PLCD1: variants seen among roughly 807,000 people sequenced by gnomAD.
PLCD1 encodes the protein phospholipase C delta 1, also known as 1-phosphatidylinositol 4,5-bisphosphate phosphodiesterase delta-1.
PLCD1 carries 71 observed loss-of-function variants against 87.4 expected under a neutral mutation model. The observed-to-expected ratio is 0.81, with a 90% CI of 0.67 to 0.99. PLCD1 has a LOEUF of 0.99. Ranked by LOEUF, PLCD1 falls within the 50% of genes least tolerant of loss-of-function variation. The pLI, the probability that PLCD1 is intolerant of heterozygous loss-of-function variation, is 0.00. For missense variants in PLCD1, 867 were observed against 1,001.5 expected (o/e 0.87, Z 1.81); for synonymous variants, 348 against 399.2 (o/e 0.87, Z 1.53).
chr3:38,024,417 A>C (rs1700278725), intron 1 of PLCD1: 2 of 1,612,230 alleles, frequency 1.2e-6, no homozygotes, highest in Admixed American at 3.3e-5. Context: ...CCGGCTCCGG[A>C]TCCCCAGGCA....
At chr3:38,024,689 G>A (rs755817282) in intron 1 of PLCD1, 4 of 1,497,352 alleles carry the variant, frequency 2.7e-6, no homozygotes, top group East Asian at 2.6e-5. Context: ...TAGTCCACGA[G>A]CGGCGGGACC....
intron 1 of PLCD1, chr3:38,024,219 C>T: frequency 1.2e-6 from 1 of 863,122 alleles, no homozygotes. Flanking sequence ...AAGTACTAAA[C>T]ATGTCCAATT....
chr3:38,025,501 A>C lies in PLCD1; in HGVS notation c.34+4005T>G, dbSNP rs1461859613. Among the ~76,000 whole-genome samples, 1 of 151,756 alleles carries C rather than the reference A, an allele frequency of 6.6e-6. No individual in the cohort carries two copies. Among genetic ancestry groups the C allele is most frequent in the Non-Finnish European group, 1.5e-5 (1 of 67,932 alleles). ...TCAATTGCTCAACTAATTCATTGCG[A>C]CTCAGCTTGCTGTTGCCTCATTTGT... On this transcript the variant is annotated intron_variant, in intron 1 of 14. Coordinates refer to ENST00000334661, the MANE Select transcript of PLCD1 (RefSeq NM_006225.4). This position sits in a 1 kb window ranked among gnomAD's most constrained non-coding sequence, Gnocchi z 4.0.
rs763235756 is a variant in PLCD1 at position 38,025,001 on chromosome 3, GA to G, written c.34+4504del. On this transcript the variant is annotated intron_variant, in intron 1 of 14. Transcript: ENST00000334661. This position sits in a 1 kb window ranked among gnomAD's most constrained non-coding sequence, Gnocchi z 4.0. ...ATAACCCAGGAAGCAAATCTGTGTCGAAGCCTGGGGGCGGGGCCAGAGCCAA... is the reference window on the plus strand; with the variant it reads ...ATAACCCAGGAAGCAAATCTGTGTCGAGCCTGGGGGCGGGGCCAGAGCCAA... Among the ~76,000 whole-genome samples the G allele has an allele frequency of 3.9e-5, 6 of 152,302 alleles. No individual in the cohort carries two copies. The East Asian group carries it at 5.8e-4, about 15-fold the overall frequency.
Position 38,012,031 on chromosome 3 carries a change from CTTTT to C in PLCD1, c.429-362_429-359del, listed in dbSNP as rs763245915. Among the ~76,000 whole-genome samples, 411 of 137,640 alleles carry C rather than the reference CTTTT, an allele frequency of 3.0e-3. 2 individuals carry two copies. Among genetic ancestry groups the C allele is most frequent in the Non-Finnish European group, 4.0e-3 (260 of 64,374 alleles). 90.3% of individuals were successfully genotyped at this position (137,640 alleles called of 152,430 possible). A position where few individuals can be genotyped will look rare whatever the true frequency, so the allele number is the denominator to read the frequency against. On this transcript the variant is annotated intron_variant, in intron 3 of 14. Transcript: ENST00000334661. ...AGTATATCCTTCTGGTTTTCCTTTT[CTTTT>C]TTTTTTTTTTTTGACAAGATCTCAC... is the stretch of plus-strand genomic sequence containing the variant.
At chr3:38,009,851 C>T (rs1197119452) in intron 8 of PLCD1, 40 bp from the exon 9 acceptor site, 2 of 1,610,886 alleles carry the variant, frequency 1.2e-6, no homozygotes, top group South Asian at 1.1e-5. Context: ...ACACCTAGCG[C>T]CCCGGCTAGG....
intron 3 of PLCD1, among the ~76,000 whole-genome samples, chr3:38,014,389 CAG>C (rs1183187400): frequency 6.6e-6 from 1 of 151,968 alleles, no homozygotes; most frequent in East Asian, 1.9e-4. Flanking sequence ...TATAGACAAA[CAG>C]AATAAAATTG....
At chr3:38,024,698 C>A (rs1253258142) in intron 1 of PLCD1, 2 of 1,484,306 alleles carry the variant, frequency 1.3e-6, no homozygotes, top group East Asian at 5.4e-5. Context: ...AGCGGCGGGA[C>A]CTATGCCCCC....
Position 38,007,916 on chromosome 3 carries a change from A to AG in PLCD1, c.2186-59dup, listed in dbSNP as rs572337423. Reference sequence around the variant, plus strand: ...GAGAGTTCTGGTCATTCGGCGGCGGAGGGGGGGTGGATGCGTCAAGGGACA... The same window carrying AG: ...GAGAGTTCTGGTCATTCGGCGGCGGAGGGGGGGGTGGATGCGTCAAGGGACA... On this transcript the variant is annotated intron_variant, in intron 14 of 14. Coordinates refer to ENST00000334661, the MANE Select transcript of PLCD1 (RefSeq NM_006225.4). 2,352 of 1,604,890 alleles carry AG rather than the reference A, an allele frequency of 1.5e-3. 25 individuals are homozygous for AG. In the African/African-American group the frequency reaches 0.023, roughly 16 times the overall value.
chr3:38,008,531 T>A lies in PLCD1; in HGVS notation c.1829A>T (p.Asp610Val). The A allele has an allele frequency of 6.2e-7, 1 of 1,614,022 alleles. No homozygotes were observed. Among genetic ancestry groups the A allele is most frequent in the Non-Finnish European group, 8.5e-7 (1 of 1,179,982 alleles). ...GCGGGGGTTAAAGGTGCCGTTGGGG[T>A]CTCGCAGGAAGGCGGGCTTCAGCAC... ...GYVLKPAFLRDPNGTFNPRAL... is the reference protein window; with the variant it reads ...GYVLKPAFLRVPNGTFNPRAL... Residue 610 changes from aspartate (D) to valine (V), a missense_variant, in exon 12 of 15, where the codon GAC becomes GTC. Asp to Val is a radical substitution (Grantham distance 152). Transcript: ENST00000334661.
chr3:38,013,676 A>G (rs992225246), intron 3 of PLCD1, among the ~76,000 whole-genome samples: 18 of 152,370 alleles, frequency 1.2e-4, no homozygotes, highest in East Asian at 1.9e-4. Flanking sequence ...TGTATGCACT[A>G]TAAATTAGAA....
In PLCD1 at chr3:38,016,504, G is replaced by C. The variant is rs1299230051; in HGVS notation, c.415C>G (p.Gln139Glu). ...CCAAAAGGATACTGCTGTAGCTTCT[G>C]ACGCTGGTCCATGGAGCCTGAGTGG... Reference protein sequence around the residue: ...IHHSGSMDQRQKLQHWIHSCL... With the variant: ...IHHSGSMDQREKLQHWIHSCL... The change falls in exon 3 of 15, where the codon CAG becomes GAG. Residue 139 changes from glutamine to glutamate, a missense_variant. Transcript: ENST00000334661. 31 of 1,612,138 alleles carry C rather than the reference G, an allele frequency of 1.9e-5. No homozygotes were observed. Among genetic ancestry groups the C allele is most frequent in the Non-Finnish European group, 2.6e-5 (31 of 1,178,420 alleles).
intron 3 of PLCD1, among the ~76,000 whole-genome samples, chr3:38,015,279 A>G: frequency 6.6e-6 from 1 of 152,260 alleles, no homozygotes; most frequent in East Asian, 1.9e-4. Context: ...GTACTGACAC[A>G]GGCTACAACA....
At chr3:38,023,783 A>G (rs1257995449) in intron 1 of PLCD1, among the ~76,000 whole-genome samples, 2 of 151,662 alleles carry the variant, frequency 1.3e-5, no homozygotes, top group South Asian at 4.2e-4. Flanking sequence ...ACGCTGTCAC[A>G]CTGGGTTACA....
Position 38,008,329 on chromosome 3 carries a change from A to C in PLCD1, c.1941T>G (p.Asn647Lys), listed in dbSNP as rs962050440. The C allele has an allele frequency of 1.5e-5, 24 of 1,614,052 alleles. No individual in the cohort carries two copies. The highest frequency in any genetic ancestry group is 2.0e-5 in the Non-Finnish European group (24 of 1,180,028). ...CTTTGGGGTCCACAATTGAATTCTT[A>C]TTCTTGTTGACTTTTGGCAGCTGCT... ...SGQQLPKVNK[N>K]KNSIVDPKVT... The change falls in exon 13 of 15, where the codon AAT becomes AAG. Residue 647 changes from asparagine to lysine, a missense_variant. Asn to Lys is a moderately conservative substitution (Grantham distance 94, BLOSUM62 0). Coordinates refer to ENST00000334661, the MANE Select transcript of PLCD1 (RefSeq NM_006225.4).
rs1208804650 is a variant in PLCD1, at chr3:38,010,137, G to A, written c.1131C>T (p.Ala377=). The A allele has an allele frequency of 6.2e-6, 10 of 1,614,140 alleles. No homozygotes were observed. Among genetic ancestry groups the A allele is most frequent in the Non-Finnish European group, 8.5e-7 (1 of 1,180,044 alleles). The change falls in exon 7 of 15, where the codon GCC becomes GCT. Residue 377 remains alanine, a synonymous_variant. Transcript: ENST00000334661. ...CTGCCAGGGGCACTCCCACCTTGAAGGCATAGTCCCGGATGGCCCTGAGCA... is the reference window on the plus strand; with the variant it reads ...CTGCCAGGGGCACTCCCACCTTGAAAGCATAGTCCCGGATGGCCCTGAGCA... ...CDVLRAIRDY[A]FKASPYPVIL...
chr3:38,008,002 C>T lies in PLCD1; in HGVS notation c.2185+12G>A. ...CCCACCACCTTGGCCATCCCCTTCT[C>T]TTGACACTCACCTTGCTTGAGGCTG... On this transcript the variant is annotated intron_variant, in intron 14 of 14. Transcript: ENST00000334661. 3.1e-6 allele frequency: 5 copies of T among 1,614,192 alleles called. No individual in the cohort carries two copies. The highest frequency in any genetic ancestry group is 4.2e-6 in the Non-Finnish European group (5 of 1,180,026).
rs139406465 is a variant in PLCD1 at position 38,008,505 on chromosome 3, C to T, written c.1855G>A (p.Ala619Thr). Residue 619 changes from alanine to threonine, a missense_variant, in exon 12 of 15, where the codon GCC (alanine) becomes ACC (threonine). Transcript: ENST00000334661. ...RDPNGTFNPR[A>T]LAQGPWWARK... ...GCCCACCAGGGCCCCTGAGCCAGGG[C>T]GCGGGGGTTAAAGGTGCCGTTGGGG... 1.5e-5 allele frequency: 25 copies of T among 1,614,002 alleles called. No individual in the cohort carries two copies. Among genetic ancestry groups the T allele is most frequent in the Admixed American group, 3.3e-5 (2 of 60,010 alleles).
chr3:38,018,260 A>C lies in PLCD1; in HGVS notation c.200-1541T>G, dbSNP rs1196320887. Among the ~76,000 whole-genome samples the C allele has an allele frequency of 6.6e-6, 1 of 152,204 alleles. No individual in the cohort carries two copies. The highest frequency in any genetic ancestry group is 6.5e-5 in the Admixed American group (1 of 15,286). ...ACTCACCCAGAGAAGGGAGGCAGCC[A>C]ACAAAGCAGGCTCAGCACGAGACCC... On this transcript the variant is annotated intron_variant, in intron 2 of 14. Coordinates refer to ENST00000334661, the MANE Select transcript of PLCD1 (RefSeq NM_006225.4). This position sits in a 1 kb window ranked among gnomAD's most constrained non-coding sequence, Gnocchi z 5.7.
Sources: allele counts gnomAD v4.1 joint callset (sites outside exome capture counted in the v4.1 genomes callset), GRCh38; gene constraint gnomAD v4.1.1; non-coding constraint Gnocchi (gnomAD v3.1); transcripts MANE v1.5; gene names NCBI Gene and HGNC (gene_info 2026-07-23, HGNC 2026-07-21).